The following PDLIM5 variants were observed in gnomAD, a reference collection of about 807,000 sequenced individuals.
PDLIM5 encodes the protein PDZ and LIM domain 5.
In PDLIM5, 34 loss-of-function variants were observed where a neutral mutation model predicts 64.2. The observed-to-expected ratio is 0.53, with a 90% CI of 0.40 to 0.71. PDLIM5 has a LOEUF of 0.71. Among genes scored for constraint, PDLIM5 ranks in the 30% least tolerant of loss-of-function variants. The pLI is 0.00. For synonymous variants in PDLIM5, 253 were observed against 269.1 expected, an observed-to-expected ratio of 0.94 and a Z score of 0.59; for missense variants, 683 against 733.6, an observed-to-expected ratio of 0.93 and a Z score of 0.80.
chr4:94,611,089 ATCAC>A, intron 7 of PDLIM5: 1 of 1,534,864 alleles, frequency 6.5e-7, no homozygotes, highest in Non-Finnish European at 8.7e-7. Flanking sequence ...CCTGAAAGAT[ATCAC>A]TCACTCCTGG....
intron 2 of PDLIM5, among the ~76,000 whole-genome samples, chr4:94,506,863 G>A (rs1232685365): frequency 9.9e-5 from 15 of 152,228 alleles, no homozygotes; most frequent in Admixed American, 2.6e-4. Flanking sequence ...CCATCCAGTC[G>A]GCTGCCAGCA....
At chr4:94,495,728 T>C (rs1320337659) in intron 2 of PDLIM5, among the ~76,000 whole-genome samples, 1 of 152,188 alleles carries the variant, frequency 6.6e-6, no homozygotes, top group Non-Finnish European at 1.5e-5. Context: ...TGGCTCATGC[T>C]TTCCAGGGGG....
At chr4:94,464,677 T>C (rs964088846) in intron 2 of PDLIM5, among the ~76,000 whole-genome samples, 3 of 152,200 alleles carry the variant, frequency 2.0e-5, no homozygotes, top group African/African-American at 4.8e-5. Context: ...ATGATTTTGG[T>C]CATTCCTTTG....
chr4:94,485,033 G>C (rs557329566), intron 2 of PDLIM5, among the ~76,000 whole-genome samples: 1 of 152,174 alleles, frequency 6.6e-6, no homozygotes, highest in South Asian at 2.1e-4. Context: ...GTGGGTATGA[G>C]GGGACTTTCC....
chr4:94,455,894 C>G, intron 2 of PDLIM5: 5 of 1,426,148 alleles, frequency 3.5e-6, no homozygotes, highest in Non-Finnish European at 4.8e-6. Context: ...AAATGAAGGG[C>G]TTGGAGCTCC....
chr4:94,484,253 A>G (rs1726121786), intron 2 of PDLIM5, among the ~76,000 whole-genome samples: 1 of 152,170 alleles, frequency 6.6e-6, no homozygotes, highest in African/African-American at 2.4e-5. Context: ...TTTTTTGTTG[A>G]TAAATGGAAT....
intron 9 of PDLIM5, 112 bp from the exon 10 acceptor site, chr4:94,654,348 G>A (rs1641114445): frequency 1.4e-6 from 1 of 726,840 alleles, no homozygotes; most frequent in Non-Finnish European, 2.4e-6. Context: ...CCTTAAGAAG[G>A]AAAATTGAGC....
intron 7 of PDLIM5, chr4:94,587,414 T>C (rs978022600): frequency 1.9e-6 from 2 of 1,061,608 alleles, no homozygotes; most frequent in African/African-American, 3.4e-5. Flanking sequence ...AGTTGGTTGG[T>C]TGAAGCAGAG....
intron 9 of PDLIM5, among the ~76,000 whole-genome samples, chr4:94,650,996 A>G (rs1299614585): frequency 6.6e-6 from 1 of 152,178 alleles, no homozygotes; most frequent in Non-Finnish European, 1.5e-5. Flanking sequence ...ATAGCTGAAT[A>G]CTTAATTCCA....
chr4:94,586,880 T>A, intron 7 of PDLIM5: 1 of 1,045,314 alleles, frequency 9.6e-7, no homozygotes, highest in Non-Finnish European at 1.3e-6. Flanking sequence ...AATTAAGCTT[T>A]TATAAGGCAT....
rs550374220 is a variant in PDLIM5, at chr4:94,569,315, T to G, written c.249-4036T>G. The stretch of plus-strand genomic sequence containing the variant: ...GACTTGATAAAGTCATTTTACCCCT[T>G]CGTTTGTTTGTTTGTTCGTTTGTTT... On this transcript the variant is annotated intron_variant, in intron 3 of 12. Transcript: ENST00000317968. 4.5e-4 allele frequency among the ~76,000 whole-genome samples: 66 copies of G among 145,940 alleles called. No individual in the cohort carries two copies. In the Middle Eastern group the frequency reaches 0.017, roughly 38 times the overall value.
At chr4:94,498,437 A>C (rs1194033725) in intron 2 of PDLIM5, among the ~76,000 whole-genome samples, 6 of 152,168 alleles carry the variant, frequency 3.9e-5, no homozygotes, top group Admixed American at 3.3e-4. Flanking sequence ...TTTCTGAGGA[A>C]CTAACCTGGT....
chr4:94,529,927 G>T (rs1403988367), intron 3 of PDLIM5, among the ~76,000 whole-genome samples: 1 of 152,066 alleles, frequency 6.6e-6, no homozygotes, highest in Non-Finnish European at 1.5e-5. Flanking sequence ...AATCAAAGTG[G>T]ATCATTTTTT....
At chr4:94,566,026 A>G (rs1734287071) in intron 3 of PDLIM5, among the ~76,000 whole-genome samples, 1 of 152,212 alleles carries the variant, frequency 6.6e-6, no homozygotes, top group African/African-American at 2.4e-5. Context: ...CTGTTTGTTA[A>G]TAGAAAGTAG....
rs1743097729 is a variant in PDLIM5, at chr4:94,666,734, CTACA to C, written c.*2670_*2673del. 6.6e-6 allele frequency: 1 copy of C among 152,158 alleles called. No individual in the cohort carries two copies. The highest frequency in any genetic ancestry group is 1.5e-5 in the Non-Finnish European group (1 of 68,040). The allele number at this position is 152,158 out of a possible 1,614,324, so 9.4% of individuals were successfully genotyped here. A position where few individuals can be genotyped will look rare whatever the true frequency, so the allele number is the denominator to read the frequency against. On this transcript the variant is annotated 3_prime_UTR_variant, in exon 13 of 13. Transcript: ENST00000317968. ...ATGTCATTTTCATCAGACCTTCTTT[CTACA>C]TATTATTCATGAAGCATAATGTTGC...
intron 2 of PDLIM5, among the ~76,000 whole-genome samples, chr4:94,475,489 AATG>A (rs1413409844): frequency 6.6e-6 from 1 of 152,212 alleles, no homozygotes. Context: ...CTTCCCTAGA[AATG>A]ATGATGAGTA....
At chr4:94,589,918 G>C (rs546996649) in intron 7 of PDLIM5, among the ~76,000 whole-genome samples, 1 of 7,312 alleles carries the variant, frequency 1.4e-4, no homozygotes, top group Admixed American at 1.9e-3. Context: ...GGGATTACAG[G>C]TGTGCACCAC....
At chr4:94,520,654 C>T (rs1034626533) in intron 2 of PDLIM5, among the ~76,000 whole-genome samples, 1 of 152,128 alleles carries the variant, frequency 6.6e-6, no homozygotes. Flanking sequence ...CTCCTTTTTA[C>T]AAGTCCTAAA....
chr4:94,480,123 T>C (rs1032815719), intron 2 of PDLIM5, among the ~76,000 whole-genome samples: 16 of 152,344 alleles, frequency 1.1e-4, no homozygotes, highest in African/African-American at 3.8e-4. Flanking sequence ...ATGATTACTT[T>C]TTAGATAAAT....
Sources: allele counts gnomAD v4.1 joint callset (sites outside exome capture counted in the v4.1 genomes callset), GRCh38; gene constraint gnomAD v4.1.1; transcripts MANE v1.5; gene names NCBI Gene and HGNC (gene_info 2026-07-23, HGNC 2026-07-21).